UBR3: variants seen among roughly 807,000 people sequenced by gnomAD.
The protein encoded by UBR3 is E3 ubiquitin-protein ligase UBR3.
In UBR3, 85 loss-of-function variants were observed where a neutral mutation model predicts 243.2. That is an observed-to-expected ratio of 0.35 (90% CI 0.29 to 0.42). The LOEUF is 0.42. Ranked by LOEUF, UBR3 falls within the 10% of genes least tolerant of loss-of-function variation. The pLI, the probability that UBR3 is intolerant of heterozygous loss-of-function variation, is 1.00. For missense variants in UBR3, 1,686 were observed against 2,300.8 expected, an observed-to-expected ratio of 0.73 and a Z score of 5.47; for synonymous variants, 748 against 799.8, an observed-to-expected ratio of 0.94 and a Z score of 1.09.
chr2:169,861,816 T>A (rs1231045706), intron 1 of UBR3, among the ~76,000 whole-genome samples: 1 of 152,178 alleles, frequency 6.6e-6, no homozygotes, highest in African/African-American at 2.4e-5. Flanking sequence ...TACACCAAGT[T>A]GCTTCTAGAA....
chr2:169,918,980 C>G (rs1290913587), intron 11 of UBR3, among the ~76,000 whole-genome samples: 1 of 152,140 alleles, frequency 6.6e-6, no homozygotes, highest in Non-Finnish European at 1.5e-5. Context: ...TAAAAGGGAG[C>G]ACCTGATTTA....
chr2:170,001,939 A>AAAAAAAAAG (rs1553531165), intron 27 of UBR3, among the ~76,000 whole-genome samples: 46 of 116,158 alleles, frequency 4.0e-4, no homozygotes, highest in African/African-American at 1.1e-3. Flanking sequence ...AAAAAAAAAA[A>AAAAAAAAAG]AAAGAAAGAA....
intron 5 of UBR3, among the ~76,000 whole-genome samples, chr2:169,880,248 TA>T (rs1274530020): frequency 1.3e-5 from 2 of 152,200 alleles, no homozygotes. Flanking sequence ...AGCACTTTAT[TA>T]AAATAAACAT....
At chr2:169,950,150 C>A in intron 23 of UBR3, 85 bp downstream of exon 23, 1 of 1,270,220 alleles carries the variant, frequency 7.9e-7, no homozygotes, top group Non-Finnish European at 1.1e-6. Context: ...GGATAATCAC[C>A]TGGATGTTTA....
In UBR3 at chr2:170,040,949, AT is replaced by A; in HGVS notation, c.4625del (p.Ile1542ThrfsTer4). 1 of 1,613,486 alleles carries A rather than the reference AT, an allele frequency of 6.2e-7. No homozygotes were observed. The highest frequency in any genetic ancestry group is 8.5e-7 in the Non-Finnish European group (1 of 1,179,698). ...TCATGATGTAACATCCCTTTTGCTC[AT>A]CCAGATCTTAATGATGCCACAACCC... ...LYHDVTSLLL[I>X]QILMMPQPLR... On this transcript the variant is annotated frameshift_variant, in exon 32 of 39. Transcript: ENST00000272793. LOFTEE classifies it high-confidence loss of function.
chr2:170,020,521 A>T (rs1181656027), intron 30 of UBR3, among the ~76,000 whole-genome samples: 7 of 152,174 alleles, frequency 4.6e-5, no homozygotes, highest in Admixed American at 4.6e-4. Flanking sequence ...TCATCTATAA[A>T]ATTAGTGTAC....
At chr2:169,978,813 C>G (rs2088585873) in intron 24 of UBR3, among the ~76,000 whole-genome samples, 1 of 152,084 alleles carries the variant, frequency 6.6e-6, no homozygotes, top group Admixed American at 6.5e-5. Context: ...TCCAGGGAAG[C>G]AAGTTACTAG....
At chr2:170,012,906 A>T (rs1403535346) in intron 29 of UBR3, among the ~76,000 whole-genome samples, 1 of 152,130 alleles carries the variant, frequency 6.6e-6, no homozygotes, top group Non-Finnish European at 1.5e-5. Context: ...TACTTTGGTC[A>T]TGCAAAAAGA....
At chr2:169,931,707 C>G (rs1208835416) in intron 18 of UBR3, among the ~76,000 whole-genome samples, 1 of 151,930 alleles carries the variant, frequency 6.6e-6, no homozygotes, top group African/African-American at 2.4e-5. Context: ...ATCTAAATAG[C>G]CTCTCTACTG....
At chr2:169,908,925 G>A (rs1462910745) in intron 10 of UBR3, among the ~76,000 whole-genome samples, 3 of 149,532 alleles carry the variant, frequency 2.0e-5, no homozygotes, top group Non-Finnish European at 4.4e-5. Flanking sequence ...CCGGGTTCAC[G>A]CCATTCTCCT....
At chr2:169,885,353 G>A (rs912261039) in intron 5 of UBR3, among the ~76,000 whole-genome samples, 16 of 152,142 alleles carry the variant, frequency 1.1e-4, no homozygotes, top group African/African-American at 3.4e-4. Context: ...AGGCCGAGGC[G>A]GGCGGATCAC....
chr2:170,045,895 A>AAG (rs1559214606), intron 32 of UBR3, among the ~76,000 whole-genome samples: 2 of 151,724 alleles, frequency 1.3e-5, no homozygotes, highest in East Asian at 3.9e-4. Context: ...ACAATTAAAA[A>AAG]TGAACAGTTA....
At chr2:169,881,853 G>A (rs550524427) in intron 5 of UBR3, among the ~76,000 whole-genome samples, 11 of 131,836 alleles carry the variant, frequency 8.3e-5, no homozygotes, top group South Asian at 4.5e-4. Flanking sequence ...ATACATATAC[G>A]TATATGTGTA....
chr2:169,856,989 GTTA>G (rs2082897376), intron 1 of UBR3, among the ~76,000 whole-genome samples: 1 of 142,406 alleles, frequency 7.0e-6, no homozygotes, highest in African/African-American at 2.6e-5. Context: ...TTAGAGGTAT[GTTA>G]TTTATTTAAT....
intron 33 of UBR3, among the ~76,000 whole-genome samples, chr2:170,056,661 T>C (rs1238303489): frequency 6.6e-6 from 1 of 152,194 alleles, no homozygotes; most frequent in Non-Finnish European, 1.5e-5. Flanking sequence ...ACTTTTTTTG[T>C]TGAAATTATA....
At chr2:169,831,289 G>A (rs906664626) in intron 1 of UBR3, among the ~76,000 whole-genome samples, 2 of 149,688 alleles carry the variant, frequency 1.3e-5, no homozygotes, top group Non-Finnish European at 1.5e-5. Context: ...ACAGGGATGC[G>A]CCACCACACC....
intron 1 of UBR3, among the ~76,000 whole-genome samples, chr2:169,858,282 T>C (rs1246587710): frequency 6.6e-6 from 1 of 152,218 alleles, no homozygotes; most frequent in African/African-American, 2.4e-5. Flanking sequence ...TTTCTAACCA[T>C]GTGGGCTTAT....
At chr2:169,886,831 G>A (rs1261052340) in intron 5 of UBR3, among the ~76,000 whole-genome samples, 8 of 152,154 alleles carry the variant, frequency 5.3e-5, no homozygotes, top group Non-Finnish European at 1.5e-5. Flanking sequence ...TTGATTTAAA[G>A]CAAACAGTCT....
intron 32 of UBR3, among the ~76,000 whole-genome samples, chr2:170,042,988 T>C (rs2091005016): frequency 6.6e-6 from 1 of 152,118 alleles, no homozygotes; most frequent in Non-Finnish European, 1.5e-5. Flanking sequence ...CTTTGGTTAG[T>C]TTTTCTTAAT....
Sources: gnomAD v4.1 joint callset for allele counts (sites outside exome capture counted in the v4.1 genomes callset) on GRCh38, gnomAD v4.1.1 for gene constraint, MANE v1.5 for transcripts, NCBI Gene and HGNC (gene_info 2026-07-23, HGNC 2026-07-21) for gene names.